Variants in LOC128092252 observed in about 807,000 individuals in gnomAD.
At chr15:50,678,878 A>G in the LOC128092252 span, among the ~76,000 whole-genome samples, 1 of 152,082 alleles carries the variant, frequency 6.6e-6, no homozygotes, top group East Asian at 1.9e-4. Context: ...AAAAACAAAA[A>G]AAAAAATTTT....
chr15:50,667,889 C>G, the LOC128092252 span, among the ~76,000 whole-genome samples: 1 of 152,084 alleles, frequency 6.6e-6, no homozygotes, highest in Non-Finnish European at 1.5e-5. Context: ...GTTTGGCTTT[C>G]TTTGGGTTGC....
At chr15:50,678,474 T>G in the LOC128092252 span, among the ~76,000 whole-genome samples, 2 of 145,574 alleles carry the variant, frequency 1.4e-5, no homozygotes, top group Non-Finnish European at 3.0e-5. Flanking sequence ...TTTCTGACAC[T>G]CTTACAGACC....
the LOC128092252 span, among the ~76,000 whole-genome samples, chr15:50,654,060 C>T: frequency 4.3e-3 from 657 of 152,180 alleles, no homozygotes; most frequent in Non-Finnish European, 6.1e-3. Context: ...CCTGAATGGA[C>T]AAAAGAATCT....
chr15:50,679,421 G>A, the LOC128092252 span, among the ~76,000 whole-genome samples: 1 of 142,808 alleles, frequency 7.0e-6, no homozygotes, highest in African/African-American at 2.7e-5. Context: ...TGAGCAGGGT[G>A]TTGATACTTT....
At chr15:50,685,334 A>T in the LOC128092252 span, among the ~76,000 whole-genome samples, 1 of 152,110 alleles carries the variant, frequency 6.6e-6, no homozygotes, top group African/African-American at 2.4e-5. Context: ...CATGGTGGCT[A>T]CAGTCCCAGC....
chr15:50,678,245 A>AC, the LOC128092252 span, among the ~76,000 whole-genome samples: 1 of 147,238 alleles, frequency 6.8e-6, no homozygotes, highest in African/African-American at 2.5e-5. Flanking sequence ...CTCTCAAAAA[A>AC]AAAAAACAAA....
the LOC128092252 span, among the ~76,000 whole-genome samples, chr15:50,679,534 ATATATT>A: frequency 0.26 from 15,131 of 57,512 alleles, 1,166 homozygotes; most frequent in Middle Eastern, 0.33. Context: ...ATATATATAT[ATATATT>A]TTTTTTTTTT....
At chr15:50,664,706 C>G in the LOC128092252 span, among the ~76,000 whole-genome samples, 343 of 152,308 alleles carry the variant, frequency 2.3e-3, 1 homozygote, top group Non-Finnish European at 3.6e-3. Context: ...GTGGCTCACG[C>G]CTGTAACCCC....
the LOC128092252 span, among the ~76,000 whole-genome samples, chr15:50,685,796 G>A: frequency 6.6e-6 from 1 of 152,056 alleles, no homozygotes; most frequent in South Asian, 2.1e-4. Flanking sequence ...TCTCCATTCC[G>A]CACCTTTCGG....
At chr15:50,686,706 C>T in the LOC128092252 span, 5 of 829,034 alleles carry the variant, frequency 6.0e-6, no homozygotes, top group Non-Finnish European at 9.0e-6. Flanking sequence ...CAGCAGAAGC[C>T]GAGTCTTTCA....
chr15:50,666,219 T>A, the LOC128092252 span, among the ~76,000 whole-genome samples: 1 of 152,034 alleles, frequency 6.6e-6, no homozygotes, highest in African/African-American at 2.4e-5. Flanking sequence ...GGCAGATCAC[T>A]TGAGTCCAGG....
chr15:50,667,636 G>A, the LOC128092252 span, among the ~76,000 whole-genome samples: 2 of 152,294 alleles, frequency 1.3e-5, no homozygotes, highest in East Asian at 3.9e-4. Context: ...GAACCCAGGA[G>A]GTGGAGGTAA....
the LOC128092252 span, among the ~76,000 whole-genome samples, chr15:50,673,050 C>T: frequency 1.4e-5 from 2 of 146,448 alleles, no homozygotes; most frequent in Admixed American, 6.7e-5. Flanking sequence ...TAAAAAGTTA[C>T]AGTAAGCTAG....
the LOC128092252 span, among the ~76,000 whole-genome samples, chr15:50,677,023 CA>C: frequency 6.6e-6 from 1 of 152,156 alleles, no homozygotes. Context: ...AGTTAATCAA[CA>C]ACTGTCTTAG....
the LOC128092252 span, among the ~76,000 whole-genome samples, chr15:50,679,667 CT>C: frequency 6.7e-6 from 1 of 150,282 alleles, no homozygotes; most frequent in African/African-American, 2.5e-5. Context: ...TCACAAGGAG[CT>C]GGGATTACAG....
chr15:50,665,128 G>T, the LOC128092252 span, among the ~76,000 whole-genome samples: 2 of 152,038 alleles, frequency 1.3e-5, no homozygotes, highest in African/African-American at 4.8e-5. Context: ...CATGGGTCAG[G>T]CCCAGTGGCT....
At chr15:50,656,580 C>T in the LOC128092252 span, among the ~76,000 whole-genome samples, 12 of 151,580 alleles carry the variant, frequency 7.9e-5, no homozygotes, top group African/African-American at 2.9e-4. Flanking sequence ...AAACCATCCT[C>T]CTGCCTCAAC....
chr15:50,684,294 C>A, the LOC128092252 span, among the ~76,000 whole-genome samples: 1 of 151,758 alleles, frequency 6.6e-6, no homozygotes, highest in Non-Finnish European at 1.5e-5. Flanking sequence ...CTAGGATTAC[C>A]ACGCCCGATT....
the LOC128092252 span, among the ~76,000 whole-genome samples, chr15:50,651,416 C>T: frequency 3.3e-5 from 5 of 152,026 alleles, no homozygotes; most frequent in African/African-American, 7.2e-5. Flanking sequence ...GAAGCCGAGG[C>T]GGGTGGATCA....
Sources: gnomAD v4.1 joint callset for allele counts (sites outside exome capture counted in the v4.1 genomes callset) on GRCh38, gnomAD v4.1.1 for gene constraint, MANE v1.5 for transcripts.